The following VDR variants were observed in gnomAD, a reference collection of about 807,000 sequenced individuals.
VDR encodes vitamin D receptor.
Under a neutral mutation model 39.7 loss-of-function variants are expected in VDR, and 19 were observed. The observed-to-expected ratio is 0.48, with a 90% CI of 0.33 to 0.70. The LOEUF is 0.70. VDR is among the 30% of genes least tolerant of loss of function. The pLI is 0.02. For missense variants in VDR, 442 were observed against 570.5 expected (o/e 0.77, Z 2.29); for synonymous variants, 242 against 215.8 (o/e 1.12, Z -1.07).
intron 1 of VDR, among the ~76,000 whole-genome samples, chr12:47,892,980 G>A (rs1252217838): frequency 4.6e-5 from 7 of 152,180 alleles, no homozygotes; most frequent in East Asian, 1.9e-4. Context: ...AGCTGAGAGC[G>A]AAAGGGAAAG....
chr12:47,849,860 A>G (rs979423431), intron 7 of VDR, among the ~76,000 whole-genome samples: 1 of 150,140 alleles, frequency 6.7e-6, no homozygotes, highest in African/African-American at 2.5e-5. Context: ...ATTTATTTTA[A>G]TTTTTTTTTT....
At position 47,879,679 on chromosome 12, in the gene VDR, T is replaced by C. The variant is rs953114834; in HGVS notation, c.-2-564A>G. Among the ~76,000 whole-genome samples, 12 of 152,148 alleles carry C rather than the reference T, an allele frequency of 7.9e-5. 2 individuals carry two copies. Among genetic ancestry groups the C allele is most frequent in the Admixed American group, 7.9e-4 (12 of 15,270 alleles). Reference sequence around the variant, plus strand: ...GTGCCCTGGTCATTCCAGCCCCAGCTCCTCACAACCATAAAGCTCAGGGCT... The same window carrying C: ...GTGCCCTGGTCATTCCAGCCCCAGCCCCTCACAACCATAAAGCTCAGGGCT... On this transcript the variant is annotated intron_variant, in intron 2 of 9. Transcript: ENST00000549336.
At chr12:47,854,695 A>G (rs1191429519) in intron 7 of VDR, among the ~76,000 whole-genome samples, 1 of 152,256 alleles carries the variant, frequency 6.6e-6, no homozygotes, top group Non-Finnish European at 1.5e-5. Context: ...GCTGGCTCCA[A>G]CACCTGGAAG....
chr12:47,878,208 T>C (rs914227491), intron 3 of VDR, among the ~76,000 whole-genome samples: 6 of 152,166 alleles, frequency 3.9e-5, no homozygotes, highest in African/African-American at 1.4e-4. Flanking sequence ...TCTTTCAGGC[T>C]ATTCTCTCTC....
At chr12:47,869,074 C>T (rs181732526) in intron 3 of VDR, among the ~76,000 whole-genome samples, 2 of 152,210 alleles carry the variant, frequency 1.3e-5, no homozygotes, top group Admixed American at 6.5e-5. Flanking sequence ...TGGGGGCAGC[C>T]CCCCCAGCTG....
intron 1 of VDR, among the ~76,000 whole-genome samples, chr12:47,887,268 G>A (rs1946273229): frequency 7.3e-6 from 1 of 137,094 alleles, no homozygotes; most frequent in Admixed American, 8.3e-5. Context: ...GTTGCAGTGA[G>A]CAGAGATCGC....
Position 47,844,922 on chromosome 12 carries a change from G to A in VDR, c.1108C>T (p.Arg370Cys), listed in dbSNP as rs770566299. ...SNTLQTYIRC[R>C]HPPPGSHLLY... The stretch of plus-strand genomic sequence containing the variant: ...AGGTGGCTGCCCGGGGGCGGGTGGC[G>A]GCAGCGGATGTACGTCTGCAGTGTG... Residue 370 changes from arginine to cysteine, a missense_variant, in exon 10 of 10, where the codon CGC (arginine) becomes TGC (cysteine). Physicochemically the swap from Arg to Cys is radical, Grantham distance 180. Transcript: ENST00000549336. 2.0e-5 allele frequency: 33 copies of A among 1,613,980 alleles called. No homozygotes were observed. Among genetic ancestry groups the A allele is most frequent in the East Asian group, 4.5e-5 (2 of 44,880 alleles).
At chr12:47,865,450 A>G (rs545906201) in intron 3 of VDR, among the ~76,000 whole-genome samples, 62 of 152,208 alleles carry the variant, frequency 4.1e-4, no homozygotes, top group Non-Finnish European at 7.4e-4. Flanking sequence ...GTTGCTTTGT[A>G]GCCCAGGCTG....
At chr12:47,855,184 C>T (rs976788829) in intron 7 of VDR, among the ~76,000 whole-genome samples, 52 of 152,180 alleles carry the variant, frequency 3.4e-4, no homozygotes, top group Middle Eastern at 3.4e-3. Flanking sequence ...AAAAATTAGC[C>T]GGGCTTGGTG....
intron 1 of VDR, 44 bp from the exon 2 acceptor site, chr12:47,882,818 G>T: frequency 6.8e-7 from 1 of 1,465,558 alleles, no homozygotes; most frequent in Non-Finnish European, 9.2e-7. Flanking sequence ...GCGGAGCGCT[G>T]ACCGCCTCCC....
intron 3 of VDR, among the ~76,000 whole-genome samples, chr12:47,870,793 C>T (rs966897383): frequency 2.0e-5 from 3 of 152,186 alleles, no homozygotes; most frequent in South Asian, 4.1e-4. Context: ...CAGGAACTAG[C>T]GAGAGCTCCT....
intron 2 of VDR, 72 bp downstream of exon 2, chr12:47,882,622 T>TGGGCCGGGGG: frequency 1.7e-6 from 1 of 603,850 alleles, no homozygotes; most frequent in Non-Finnish European, 3.0e-6. Flanking sequence ...CACCTTCTTA[T>TGGGCCGGGGG]GCCCCTCCCC....
rs1191603541 is a variant in VDR, at chr12:47,843,953, AGG to A, written c.*791_*792del. On this transcript the variant is annotated 3_prime_UTR_variant, in exon 10 of 10. Transcript: ENST00000549336. ...CCTGGGCAGGAGGTAAGGCACTGGC[AGG>A]GGGAGGACGAGGTCGGCAGGTGCTT... is the stretch of plus-strand genomic sequence containing the variant. The A allele has an allele frequency of 2.6e-5, 1 of 38,422 alleles. No homozygotes were observed. Among genetic ancestry groups the A allele is most frequent in the African/African-American group, 8.4e-5 (1 of 11,972 alleles). The allele number at this position is 38,422 out of a possible 1,614,324, so 2.4% of individuals were successfully genotyped here.
rs11168294 is a variant in VDR, at chr12:47,904,127, A to G, written c.-84+828T>C. ...AGAGGAGGAGGAGGAGGAGGAGGAG[A>G]AGGAGGAGGAACTGTGAGAAGGGTC... On this transcript the variant is annotated intron_variant, in intron 1 of 9. Coordinates refer to ENST00000549336, the MANE Select transcript of VDR (RefSeq NM_000376.3). Among the ~76,000 whole-genome samples, 30 of 99,006 alleles carry G rather than the reference A, an allele frequency of 3.0e-4. No individual in the cohort carries two copies. In the South Asian group the frequency reaches 7.9e-3, roughly 26 times the overall value. The allele number at this position is 99,006 out of a possible 152,430, so 65.0% of individuals were successfully genotyped here.
rs901238702 is a variant in VDR, at chr12:47,855,515, G to A, written c.755+115C>T. On this transcript the variant is annotated intron_variant, in intron 7 of 9. Coordinates refer to ENST00000549336, the MANE Select transcript of VDR (RefSeq NM_000376.3). ...AGCCTGCGTGACAGAGCAAGATGCC[G>A]TTTAAAAAAATAAAAAATAAAAAAA... 85 of 1,305,080 alleles carry A rather than the reference G, an allele frequency of 6.5e-5. 1 individual carries two copies. The highest frequency in any genetic ancestry group is 1.1e-4 in the South Asian group (8 of 75,808). 80.8% of individuals were successfully genotyped at this position (1,305,080 alleles called of 1,614,324 possible). A position where few individuals can be genotyped will look rare whatever the true frequency, so the allele number is the denominator to read the frequency against.
intron 4 of VDR, among the ~76,000 whole-genome samples, chr12:47,858,851 G>A (rs12721392): frequency 4.6e-5 from 7 of 152,226 alleles, no homozygotes; most frequent in Non-Finnish European, 1.0e-4. Context: ...AGGCCCTCAG[G>A]TAGGGGGAGG....
At chr12:47,865,326 C>G in intron 3 of VDR, 149 bp from the exon 4 acceptor site, 1 of 1,163,142 alleles carries the variant, frequency 8.6e-7, no homozygotes, top group Non-Finnish European at 1.2e-6. Flanking sequence ...ACTCTCACCT[C>G]TAGGCTGGGC....
rs1056670879 is a variant in VDR, at chr12:47,868,470, G to A, written c.147-3293C>T. Among the ~76,000 whole-genome samples, 4 of 152,160 alleles carry A rather than the reference G, an allele frequency of 2.6e-5. No individual in the cohort carries two copies. The South Asian group carries it at 6.2e-4, about 24-fold the overall frequency. On this transcript the variant is annotated intron_variant, in intron 3 of 9. Transcript: ENST00000549336. ...ATACGCCAGGCTTTTTTCCATCTTC[G>A]TAGAAACAAAAAGCCTTTTGCCGTT...
rs1225454851 is a variant in VDR at position 47,859,936 on chromosome 12, T to C, written c.278-2248A>G. The stretch of plus-strand genomic sequence containing the variant: ...TTCCTTCTTTCTTTTTCTTTCTTTC[T>C]TTCTTTCTTTCTTTCTTTCTTTCTT... On this transcript the variant is annotated intron_variant, in intron 4 of 9. Coordinates refer to ENST00000549336, the MANE Select transcript of VDR (RefSeq NM_000376.3). Among the ~76,000 whole-genome samples, 157 of 128,436 alleles carry C rather than the reference T, an allele frequency of 1.2e-3. 3 individuals carry two copies. Among genetic ancestry groups the C allele is most frequent in the East Asian group, 5.5e-3 (25 of 4,580 alleles). 84.3% of individuals were successfully genotyped at this position (128,436 alleles called of 152,430 possible). A position where few individuals can be genotyped will look rare whatever the true frequency, so the allele number is the denominator to read the frequency against.
Sources: gnomAD v4.1 joint callset for allele counts (sites outside exome capture counted in the v4.1 genomes callset) on GRCh38, gnomAD v4.1.1 for gene constraint, MANE v1.5 for transcripts, NCBI Gene and HGNC (gene_info 2026-07-23, HGNC 2026-07-21) for gene names.